The following EIF4B variants were observed in gnomAD, a reference collection of about 807,000 sequenced individuals.
EIF4B encodes the protein eukaryotic translation initiation factor 4B.
EIF4B carries 8 observed loss-of-function variants against 79.3 expected under a neutral mutation model. The observed-to-expected ratio is 0.10, with a 90% confidence interval of 0.06 to 0.18. The LOEUF is 0.18. Ranked by LOEUF, EIF4B falls within the 10% of genes least tolerant of loss-of-function variation. EIF4B has a pLI of 1.00. For synonymous variants in EIF4B, 238 were observed against 274.7 expected (o/e 0.87, Z 1.32); for missense variants, 515 against 792.4 (o/e 0.65, Z 4.20).
At position 53,029,856 on chromosome 12, in the gene EIF4B, C is replaced by T. The variant is rs80214061; in HGVS notation, c.979+1668C>T. Among the ~76,000 whole-genome samples, 1,877 of 152,156 alleles carry T rather than the reference C, an allele frequency of 0.012. 76 individuals are homozygous for T. The East Asian group carries it at 0.15, about 12-fold the overall frequency. ...TTCTATTGCAGTGAGGTCTTTCCTT[C>T]TCCCTCAGAAAATGGTGAAGTCTTT... On this transcript the variant is annotated intron_variant, in intron 8 of 14. Coordinates refer to ENST00000262056, the MANE Select transcript of EIF4B (RefSeq NM_001417.7).
intron 3 of EIF4B, among the ~76,000 whole-genome samples, chr12:53,019,437 A>ATATT (rs1943205076): frequency 5.9e-5 from 3 of 51,026 alleles, no homozygotes; most frequent in African/African-American, 2.0e-4. Flanking sequence ...ATATATATAT[A>ATATT]TTTTTTTTTT....
chr12:53,032,753 C>T (rs138980357), intron 8 of EIF4B, among the ~76,000 whole-genome samples: 5 of 151,126 alleles, frequency 3.3e-5, no homozygotes, highest in Non-Finnish European at 5.9e-5. Flanking sequence ...CTGCAACCTC[C>T]GCCTCCCCGG....
chr12:53,022,401 A>G (rs1387853449), intron 5 of EIF4B, 92 bp from the exon 6 acceptor site: 2 of 1,567,372 alleles, frequency 1.3e-6, no homozygotes, highest in Non-Finnish European at 1.7e-6. Flanking sequence ...GAAAGTGAAA[A>G]ATAGGGTAAA....
At chr12:53,032,118 T>TTA (rs1943457279) in intron 8 of EIF4B, among the ~76,000 whole-genome samples, 1 of 152,086 alleles carries the variant, frequency 6.6e-6, no homozygotes, top group Non-Finnish European at 1.5e-5. Context: ...CCTGCCAAAT[T>TTA]TATATTATAC....
Position 53,038,376 on chromosome 12 carries a change from C to T in EIF4B, c.1541C>T (p.Pro514Leu). ...TCTAGTGGTGGGGGAAAAGTAGCTC[C>T]AGCTCAACCATCTGAGGAAGGACCA... Reference protein sequence around the residue: ...SPTSGGGKVAPAQPSEEGPGR... With the variant: ...SPTSGGGKVALAQPSEEGPGR... The change falls in exon 12 of 15, where the codon CCA becomes CTA. Residue 514 changes from proline (P) to leucine (L), a missense_variant. Physicochemically the swap from Pro to Leu is moderately conservative, Grantham distance 98 (BLOSUM62 -3). Coordinates refer to ENST00000262056, the MANE Select transcript of EIF4B (RefSeq NM_001417.7). 1 of 1,600,562 alleles carries T rather than the reference C, an allele frequency of 6.2e-7. No individual in the cohort carries two copies.
intron 6 of EIF4B, among the ~76,000 whole-genome samples, chr12:53,024,339 C>T (rs1352185972): frequency 6.6e-6 from 1 of 152,030 alleles, no homozygotes; most frequent in Non-Finnish European, 1.5e-5. Context: ...AAATTCAAAA[C>T]CTGTTACATT....
At position 53,027,136 on chromosome 12, in the gene EIF4B, A is replaced by ATTTTTTTTTTT. The variant is rs777111413; in HGVS notation, c.668-646_668-645insTTTTTTTTTTT. 8.1e-4 allele frequency among the ~76,000 whole-genome samples: 24 copies of ATTTTTTTTTTT among 29,486 alleles called. 1 individual carries two copies. The highest frequency in any genetic ancestry group is 1.5e-3 in the South Asian group (1 of 676). The allele number at this position is 29,486 out of a possible 152,430, so 19.3% of individuals were successfully genotyped here. A position where few individuals can be genotyped will look rare whatever the true frequency, so the allele number is the denominator to read the frequency against. ...GAGACTGTCTCTCAAAAAAAAAAAA[A>ATTTTTTTTTTT]ATTTTTTTTTTTTTTTTTTTTGAGA... On this transcript the variant is annotated intron_variant, in intron 6 of 14. Transcript: ENST00000262056.
chr12:53,012,729 C>G (rs1298513242), intron 1 of EIF4B, among the ~76,000 whole-genome samples: 1 of 151,670 alleles, frequency 6.6e-6, no homozygotes, highest in Non-Finnish European at 1.5e-5. Flanking sequence ...CCTCAGCCTC[C>G]CGAGTAGCTA....
chr12:53,025,249 A>G, intron 6 of EIF4B: 1 of 455,872 alleles, frequency 2.2e-6, no homozygotes, highest in Non-Finnish European at 4.4e-6. Context: ...CTTGAAAGAA[A>G]AAGCAGACAA....
chr12:53,024,743 C>T (rs1212406505), intron 6 of EIF4B, among the ~76,000 whole-genome samples: 1 of 152,176 alleles, frequency 6.6e-6, no homozygotes, highest in Non-Finnish European at 1.5e-5. Flanking sequence ...CAACCTCTGC[C>T]TGCCAGGTTC....
At chr12:53,032,962 C>T (rs1275169148) in intron 8 of EIF4B, among the ~76,000 whole-genome samples, 3 of 151,858 alleles carry the variant, frequency 2.0e-5, no homozygotes, top group Admixed American at 1.3e-4. Flanking sequence ...TGAGCCATTG[C>T]GCCCGGCCAG....
At chr12:53,021,140 TATAA>T (rs1943241821) in intron 4 of EIF4B, among the ~76,000 whole-genome samples, 1 of 152,206 alleles carries the variant, frequency 6.6e-6, no homozygotes, top group African/African-American at 2.4e-5. Flanking sequence ...GTTCAAAGTA[TATAA>T]ATAATGATGT....
chr12:53,034,105 G>A, intron 9 of EIF4B, 71 bp downstream of exon 9: 2 of 1,443,108 alleles, frequency 1.4e-6, no homozygotes, highest in East Asian at 2.5e-5. Context: ...ATCCCCAGGG[G>A]CATTTGGGAA....
chr12:53,028,055 C>T lies in EIF4B; in HGVS notation c.846C>T (p.Gly282=), dbSNP rs1162622387. 1.2e-6 allele frequency: 2 copies of T among 1,612,938 alleles called. No individual in the cohort carries two copies. ...SRIGSGRRAF[G]SGYRRDDDYR... The stretch of plus-strand genomic sequence containing the variant: ...TAGGCAGTGGCAGAAGAGCATTTGG[C>T]AGTGGGTATCGCAGGGATGATGACT... The change falls in exon 8 of 15, where the codon GGC becomes GGT. Residue 282 remains glycine, a synonymous_variant. Coordinates refer to ENST00000262056, the MANE Select transcript of EIF4B (RefSeq NM_001417.7).
intron 1 of EIF4B, among the ~76,000 whole-genome samples, chr12:53,007,521 T>C (rs895161430): frequency 3.3e-5 from 5 of 151,378 alleles, no homozygotes; most frequent in Admixed American, 2.0e-4. Context: ...CTTACTTCTT[T>C]AGACAACCTT....
chr12:53,019,437 A>ATTTTT (rs1337954535), intron 3 of EIF4B, among the ~76,000 whole-genome samples: 1 of 51,026 alleles, frequency 2.0e-5, no homozygotes, highest in South Asian at 9.6e-4. Flanking sequence ...ATATATATAT[A>ATTTTT]TTTTTTTTTT....
Position 53,022,555 on chromosome 12 carries a change from T to C in EIF4B, c.595T>C (p.Trp199Arg). ...NRDSDKTDTD[W>R]RARPATDSFD... The stretch of plus-strand genomic sequence containing the variant: ...GGATTCTGACAAAACAGATACAGAC[T>C]GGAGGGCTCGTCCTGCTACAGACAG... The change falls in exon 6 of 15, where the codon TGG (tryptophan) becomes CGG (arginine). Residue 199 changes from tryptophan (W) to arginine (R), a missense_variant. Trp to Arg is a moderately radical substitution (Grantham distance 101). Coordinates refer to ENST00000262056, the MANE Select transcript of EIF4B (RefSeq NM_001417.7). 1 of 1,613,692 alleles carries C rather than the reference T, an allele frequency of 6.2e-7. No individual in the cohort carries two copies. The highest frequency in any genetic ancestry group is 1.3e-5 in the African/African-American group (1 of 75,048).
In EIF4B at chr12:53,037,583, G is replaced by A. The variant is rs761806150; in HGVS notation, c.1481G>A (p.Arg494Gln). The A allele has an allele frequency of 2.6e-5, 42 of 1,613,966 alleles. No individual in the cohort carries two copies. The highest frequency in any genetic ancestry group is 3.1e-5 in the Non-Finnish European group (37 of 1,179,860). The change falls in exon 11 of 15, where the codon CGA (arginine) becomes CAA (glutamine). Residue 494 changes from arginine to glutamine, a missense_variant. By Grantham distance (43) the Arg-to-Gln change is conservative. Transcript: ENST00000262056. ...WVKRSSNPPA[R>Q]SQSSDTEQQS... ...AAGCGAAGTTCTAACCCTCCTGCTCGATCTCAGAGCTCAGACACAGAGCAG... is the reference window on the plus strand; with the variant it reads ...AAGCGAAGTTCTAACCCTCCTGCTCAATCTCAGAGCTCAGACACAGAGCAG...
intron 1 of EIF4B, chr12:53,014,931 C>A (rs573051702): frequency 1.3e-5 from 2 of 152,284 alleles, no homozygotes; most frequent in Non-Finnish European, 2.9e-5. Context: ...TTGGTGGTGA[C>A]TTCTCGGAAG....
Sources: gnomAD v4.1 joint callset for allele counts (sites outside exome capture counted in the v4.1 genomes callset) on GRCh38, gnomAD v4.1.1 for gene constraint, MANE v1.5 for transcripts, NCBI Gene and HGNC (gene_info 2026-07-23, HGNC 2026-07-21) for gene names.